The following CDC14A variants were observed in gnomAD, a reference collection of about 807,000 sequenced individuals.
CDC14A encodes the protein cell division cycle 14A.
A neutral mutation model predicts 74.4 loss-of-function variants in CDC14A; 53 were observed. The observed-to-expected ratio is 0.71, with a 90% CI of 0.57 to 0.89. CDC14A has a LOEUF of 0.89. CDC14A is among the 40% of genes least tolerant of loss of function. The pLI is 0.00. For missense variants in CDC14A, 646 were observed against 713.7 expected, an observed-to-expected ratio of 0.91 and a Z score of 1.08; for synonymous variants, 247 against 258.4, an observed-to-expected ratio of 0.96 and a Z score of 0.43.
Position 100,406,887 on chromosome 1 carries a change from T to C in CDC14A, c.309+16063T>C, listed in dbSNP as rs529801135. On this transcript the variant is annotated intron_variant, in intron 4 of 15. Transcript: ENST00000336454. ...GCTGCAGTGAGCTGAGATCGTGCCA[T>C]TGGACTCCAGCCTGGGCAACAAGAG... Among the ~76,000 whole-genome samples the C allele has an allele frequency of 8.6e-5, 13 of 151,352 alleles. No homozygotes were observed. The East Asian group carries it at 2.3e-3, about 27-fold the overall frequency.
intron 3 of CDC14A, among the ~76,000 whole-genome samples, chr1:100,387,164 A>G (rs1029588729): frequency 2.0e-5 from 3 of 152,176 alleles, no homozygotes; most frequent in East Asian, 1.9e-4. Flanking sequence ...CAGGATGACC[A>G]TAAGAGGGAG....
chr1:100,417,310 G>A (rs1661664324), intron 4 of CDC14A, among the ~76,000 whole-genome samples: 1 of 152,196 alleles, frequency 6.6e-6, no homozygotes, highest in Non-Finnish European at 1.5e-5. Flanking sequence ...AGTCCTTGAA[G>A]TCAGTGTCTT....
At chr1:100,354,442 A>C (rs1487548228) in intron 2 of CDC14A, among the ~76,000 whole-genome samples, 1 of 152,220 alleles carries the variant, frequency 6.6e-6, no homozygotes, top group Non-Finnish European at 1.5e-5. Flanking sequence ...GCTTCTAAGG[A>C]AATGATATAG....
At chr1:100,509,146 A>G (rs572130871) in intron 15 of CDC14A, among the ~76,000 whole-genome samples, 1 of 152,182 alleles carries the variant, frequency 6.6e-6, no homozygotes, top group African/African-American at 2.4e-5. Flanking sequence ...CTTACATGCT[A>G]TGTCCCCAAC....
At chr1:100,469,387 G>A (rs141117686) in intron 10 of CDC14A, among the ~76,000 whole-genome samples, 305 of 152,272 alleles carry the variant, frequency 2.0e-3, no homozygotes, top group Non-Finnish European at 3.5e-3. Flanking sequence ...TCCAAGGACA[G>A]GATCATTACA....
chr1:100,503,759 G>GA (rs1375505020), intron 15 of CDC14A, among the ~76,000 whole-genome samples: 1 of 152,194 alleles, frequency 6.6e-6, no homozygotes, highest in Non-Finnish European at 1.5e-5. Flanking sequence ...GACACTCAGA[G>GA]GAGTTTTCAA....
At chr1:100,380,702 T>C (rs1655984686) in intron 3 of CDC14A, among the ~76,000 whole-genome samples, 1 of 152,222 alleles carries the variant, frequency 6.6e-6, no homozygotes, top group Non-Finnish European at 1.5e-5. Flanking sequence ...GGTACTTTGC[T>C]TTCTTGTCTT....
chr1:100,430,236 T>C (rs1477883280), intron 5 of CDC14A, among the ~76,000 whole-genome samples: 1 of 152,232 alleles, frequency 6.6e-6, no homozygotes, highest in African/African-American at 2.4e-5. Flanking sequence ...ATAGATGGCT[T>C]ATCAAATCAT....
intron 2 of CDC14A, among the ~76,000 whole-genome samples, chr1:100,356,679 C>T (rs1248312876): frequency 2.0e-5 from 3 of 151,682 alleles, no homozygotes; most frequent in African/African-American, 7.3e-5. Flanking sequence ...CATGTTGAAA[C>T]CCCGTCTCTA....
chr1:100,458,994 A>G (rs1257438540), intron 8 of CDC14A, among the ~76,000 whole-genome samples: 1 of 152,038 alleles, frequency 6.6e-6, no homozygotes, highest in East Asian at 1.9e-4. Context: ...TTGATAAATG[A>G]TGGATAACAG....
At chr1:100,435,428 A>G in intron 5 of CDC14A, among the ~76,000 whole-genome samples, 1 of 152,192 alleles carries the variant, frequency 6.6e-6, no homozygotes, top group Non-Finnish European at 1.5e-5. Context: ...AGTGACTGCA[A>G]ATGAGTCCAA....
intron 5 of CDC14A, among the ~76,000 whole-genome samples, chr1:100,431,354 GAA>G (rs889880719): frequency 8.6e-5 from 13 of 151,734 alleles, no homozygotes; most frequent in African/African-American, 3.2e-4. Flanking sequence ...CAAACTTAGT[GAA>G]GTAGGGTAGG....
chr1:100,504,892 A>G (rs1392328287), intron 15 of CDC14A: 1 of 1,534,664 alleles, frequency 6.5e-7, no homozygotes, highest in Non-Finnish European at 8.7e-7. Context: ...TCATCTTTAA[A>G]TAAAGACATA....
At chr1:100,495,962 G>T in intron 12 of CDC14A, 40 bp from the exon 13 acceptor site, 1 of 1,575,466 alleles carries the variant, frequency 6.3e-7, no homozygotes. Context: ...GAAAACGTGT[G>T]CCCTGGTGAT....
At chr1:100,466,947 G>A (rs1667892693) in intron 9 of CDC14A, among the ~76,000 whole-genome samples, 1 of 150,126 alleles carries the variant, frequency 6.7e-6, no homozygotes, top group Non-Finnish European at 1.5e-5. Context: ...TGTTGTTTTA[G>A]TGGGATGAAA....
At chr1:100,488,829 C>T (rs1036979974) in intron 11 of CDC14A, among the ~76,000 whole-genome samples, 2 of 152,180 alleles carry the variant, frequency 1.3e-5, no homozygotes, top group Admixed American at 6.5e-5. Flanking sequence ...CTCTAATGTC[C>T]TGCTTTTTAA....
intron 4 of CDC14A, among the ~76,000 whole-genome samples, chr1:100,407,675 T>G (rs1258795971): frequency 6.6e-6 from 1 of 152,220 alleles, no homozygotes; most frequent in Non-Finnish European, 1.5e-5. Flanking sequence ...CTTCTCTTCC[T>G]ATTTGAATAC....
chr1:100,474,375 C>G (rs908048944), intron 10 of CDC14A, among the ~76,000 whole-genome samples: 1 of 152,106 alleles, frequency 6.6e-6, no homozygotes, highest in Non-Finnish European at 1.5e-5. Flanking sequence ...TTGTTCTTCT[C>G]TGTTTCCTGG....
At position 100,352,633 on chromosome 1, in the gene CDC14A, GC is replaced by G; in HGVS notation, c.-319del. Reference sequence around the variant, plus strand: ...GGAAGCCGGGGGAAGACTTTGCCCTGCCCTGAGAGCTGGTCTGCGTTTCCCA... The same window carrying G: ...GGAAGCCGGGGGAAGACTTTGCCCTGCCTGAGAGCTGGTCTGCGTTTCCCA... On this transcript the variant is annotated 5_prime_UTR_variant, in exon 1 of 16. An upstream open reading frame in the 5' UTR gains an earlier in-frame stop. Transcript: ENST00000336454. The G allele has an allele frequency of 8.2e-7, 1 of 1,220,802 alleles. No homozygotes were observed. Among genetic ancestry groups the G allele is most frequent in the Non-Finnish European group, 1.0e-6 (1 of 976,990 alleles). 75.6% of individuals were successfully genotyped at this position (1,220,802 alleles called of 1,614,324 possible). A position where few individuals can be genotyped will look rare whatever the true frequency, so the allele number is the denominator to read the frequency against.
Sources: allele counts gnomAD v4.1 joint callset (sites outside exome capture counted in the v4.1 genomes callset), GRCh38; gene constraint gnomAD v4.1.1; transcripts MANE v1.5; gene names NCBI Gene and HGNC (gene_info 2026-07-23, HGNC 2026-07-21).